RNF111: variants seen among roughly 807,000 people sequenced by gnomAD.
RNF111 encodes the protein E3 ubiquitin-protein ligase Arkadia.
Under a neutral mutation model 95.1 loss-of-function variants are expected in RNF111, and 17 were observed. The observed-to-expected ratio is 0.18, with a 90% CI of 0.12 to 0.27. The LOEUF (loss-of-function observed/expected upper bound fraction) is 0.27, where lower values mean the gene tolerates loss of function less well. Ranked by LOEUF, RNF111 falls within the 10% of genes least tolerant of loss-of-function variation. RNF111 has a pLI of 1.00. For synonymous variants in RNF111, 440 were observed against 414.8 expected, an observed-to-expected ratio of 1.06 and a Z score of -0.74; for missense variants, 1,189 against 1,210.4, an observed-to-expected ratio of 0.98 and a Z score of 0.26.
intron 2 of RNF111, among the ~76,000 whole-genome samples, chr15:59,051,280 C>T (rs1245740924): frequency 6.6e-6 from 1 of 150,856 alleles, no homozygotes; most frequent in East Asian, 1.9e-4. Flanking sequence ...AGTGAAACCC[C>T]GTCTCTACTA....
chr15:59,076,128 T>C lies in RNF111; in HGVS notation c.1861T>C (p.Tyr621His), dbSNP rs1433774822. The C allele has an allele frequency of 1.9e-6, 3 of 1,614,178 alleles. No homozygotes were observed. Among genetic ancestry groups the C allele is most frequent in the East Asian group, 2.2e-5 (1 of 44,878 alleles). ...PSQPLSSIDG[Y>H]GSSMVAQPQP... ...TCAACCTTTATCATCAATAGATGGC[T>C]ATGGATCAAGCATGGTTGCGCAGCC... The change falls in exon 7 of 14, where the codon TAT (tyrosine) becomes CAT (histidine). Residue 621 changes from tyrosine (Y) to histidine (H), a missense_variant. By Grantham distance (83) the Tyr-to-His change is moderately conservative. This residue lies in a region of RNF111 where 1,024 missense variants were observed against 925.9 expected (regional missense o/e 1.11). Transcript: ENST00000348370.
At chr15:59,081,473 G>T (rs945467572) in intron 8 of RNF111, among the ~76,000 whole-genome samples, 189 bp downstream of exon 8, 2 of 150,794 alleles carry the variant, frequency 1.3e-5, no homozygotes, top group Non-Finnish European at 3.0e-5. Context: ...GTGAAATACT[G>T]TTTTTTGTTG....
At chr15:58,995,169 C>T (rs1490334147) in intron 1 of RNF111, among the ~76,000 whole-genome samples, 1 of 152,188 alleles carries the variant, frequency 6.6e-6, no homozygotes, top group African/African-American at 2.4e-5. Flanking sequence ...CCCACATCCC[C>T]CAAGGCCCAT....
intron 6 of RNF111, among the ~76,000 whole-genome samples, chr15:59,073,132 T>G (rs2043013672): frequency 6.6e-6 from 1 of 152,086 alleles, no homozygotes; most frequent in Non-Finnish European, 1.5e-5. Flanking sequence ...ACGTTTGTAT[T>G]ACTGCACTCC....
At chr15:59,093,369 T>TTTTTGG in intron 13 of RNF111, 2 of 422,566 alleles carry the variant, frequency 4.7e-6, no homozygotes, top group Non-Finnish European at 9.2e-6. Context: ...TTTCCTTTTC[T>TTTTTGG]GGGAGATGGT....
chr15:59,008,308 C>T (rs965079218), intron 1 of RNF111, among the ~76,000 whole-genome samples: 2 of 152,228 alleles, frequency 1.3e-5, no homozygotes, highest in African/African-American at 2.4e-5. Flanking sequence ...GCCTCATCCT[C>T]CTGAGCTCAA....
rs971901847 is a variant in RNF111 at position 59,081,041 on chromosome 15, T to G, written c.2054T>G (p.Ile685Ser). The change falls in exon 8 of 14, where the codon ATT becomes AGT. Residue 685 changes from isoleucine to serine, a missense_variant. Coordinates refer to ENST00000348370, the MANE Select transcript of RNF111 (RefSeq NM_017610.8). The stretch of plus-strand genomic sequence containing the variant: ...CCTCCGCCTCAAGTGGATTATGTTA[T>G]TCCTCATCCTGTACATGCTTTCCAT... The part of the protein sequence containing the change: ...TQPPPQVDYV[I>S]PHPVHAFHSQ... The G allele has an allele frequency of 2.5e-6, 4 of 1,614,048 alleles. No individual in the cohort carries two copies. Among genetic ancestry groups the G allele is most frequent in the Non-Finnish European group, 3.4e-6 (4 of 1,180,034 alleles).
intron 1 of RNF111, among the ~76,000 whole-genome samples, chr15:59,013,662 A>G (rs1300176586): frequency 6.6e-6 from 1 of 152,102 alleles, no homozygotes; most frequent in Non-Finnish European, 1.5e-5. Context: ...TTTCTTGCCT[A>G]CTTGAGATTG....
intron 2 of RNF111, among the ~76,000 whole-genome samples, chr15:59,039,382 C>T (rs2041337981): frequency 6.6e-6 from 1 of 152,174 alleles, no homozygotes; most frequent in Non-Finnish European, 1.5e-5. Flanking sequence ...ACAGGAAAGG[C>T]AAGATGAATG....
chr15:59,015,027 G>A (rs1271289972), intron 1 of RNF111, among the ~76,000 whole-genome samples: 4 of 152,194 alleles, frequency 2.6e-5, no homozygotes, highest in African/African-American at 9.7e-5. Context: ...GGGATAATAC[G>A]TGTGAGCCTG....
chr15:58,996,681 C>G (rs1291386914), intron 1 of RNF111, among the ~76,000 whole-genome samples: 1 of 94,424 alleles, frequency 1.1e-5, no homozygotes, highest in East Asian at 2.9e-4. Flanking sequence ...TTTTTTTTAC[C>G]CAGGCAGTTA....
rs71119429 is a variant in RNF111, at chr15:59,062,051, CTTTTTTTT to C, written c.1366+3513_1366+3520del. 4.1e-5 allele frequency among the ~76,000 whole-genome samples: 5 copies of C among 122,280 alleles called. No individual in the cohort carries two copies. The East Asian group carries it at 7.0e-4, about 17-fold the overall frequency. The allele number at this position is 122,280 out of a possible 152,430, so 80.2% of individuals were successfully genotyped here. A position where few individuals can be genotyped will look rare whatever the true frequency, so the allele number is the denominator to read the frequency against. On this transcript the variant is annotated intron_variant, in intron 5 of 13. Coordinates refer to ENST00000348370, the MANE Select transcript of RNF111 (RefSeq NM_017610.8). ...TGACCACTATATTTGTTTTAAACTTCTTTTTTTTTTTTTTTTTTTCCCCGAGACAGGGT... is the reference window on the plus strand; with the variant it reads ...TGACCACTATATTTGTTTTAAACTTCTTTTTTTTTTTCCCCGAGACAGGGT...
In RNF111 at chr15:59,091,120, T is replaced by C. The variant is rs1397197704; in HGVS notation, c.2705T>C (p.Ile902Thr). The change falls in exon 12 of 14, where the codon ATT (isoleucine) becomes ACT (threonine). Residue 902 changes from isoleucine to threonine, a missense_variant. Physicochemically the swap from Ile to Thr is moderately conservative, Grantham distance 89. This residue lies in a region of RNF111 where 165 missense variants were observed against 284.6 expected (regional missense o/e 0.58). Transcript: ENST00000348370. The stretch of plus-strand genomic sequence containing the variant: ...AATCGTGGAGCATCCCAGGGGACAA[T>C]TGAAAGATGTACATATCCACATAAA... Reference protein sequence around the residue: ...NVNRGASQGTIERCTYPHKYK... With the variant: ...NVNRGASQGTTERCTYPHKYK... The C allele has an allele frequency of 6.2e-7, 1 of 1,608,230 alleles. No homozygotes were observed. The highest frequency in any genetic ancestry group is 1.1e-5 in the South Asian group (1 of 90,594).
chr15:59,090,366 A>G (rs1304534714), intron 11 of RNF111, among the ~76,000 whole-genome samples: 4 of 152,196 alleles, frequency 2.6e-5, no homozygotes, highest in African/African-American at 9.6e-5. Context: ...AGTAGCTGGG[A>G]TTACAGGTGC....
At chr15:59,026,308 A>G (rs2040604535) in intron 1 of RNF111, among the ~76,000 whole-genome samples, 1 of 151,904 alleles carries the variant, frequency 6.6e-6, no homozygotes. Context: ...TTTTTTAGCT[A>G]TCGTATTTTC....
intron 2 of RNF111, 75 bp downstream of exon 2, chr15:59,031,777 A>G (rs1376179184): frequency 4.2e-5 from 56 of 1,343,850 alleles, no homozygotes; most frequent in East Asian, 4.6e-5. Flanking sequence ...TTTGTGTCTT[A>G]CTGATTTTAT....
intron 1 of RNF111, among the ~76,000 whole-genome samples, chr15:58,989,340 C>T (rs1015444516): frequency 6.6e-6 from 1 of 152,204 alleles, no homozygotes. Context: ...TTATTTTGGA[C>T]ACTTTCTTGC....
intron 5 of RNF111, among the ~76,000 whole-genome samples, chr15:59,064,419 C>T (rs1270915984): frequency 6.6e-6 from 1 of 151,222 alleles, no homozygotes; most frequent in Admixed American, 6.6e-5. Context: ...GCCTGTAGTC[C>T]CAGCTACTCG....
chr15:59,061,484 A>G (rs2142034744), intron 5 of RNF111, among the ~76,000 whole-genome samples: 1 of 152,134 alleles, frequency 6.6e-6, no homozygotes, highest in East Asian at 1.9e-4. Context: ...ATTTCAAAAC[A>G]CTCTCCTTTT....
Sources: allele counts gnomAD v4.1 joint callset (sites outside exome capture counted in the v4.1 genomes callset), GRCh38; gene constraint gnomAD v4.1.1; regional missense constraint gnomAD v4.1.1; transcripts MANE v1.5; gene names NCBI Gene and HGNC (gene_info 2026-07-23, HGNC 2026-07-21).